MANEA: variants seen among roughly 807,000 people sequenced by gnomAD.
The protein encoded by MANEA is mannosidase endo-alpha, also known as glycoprotein endo-alpha-1,2-mannosidase.
A neutral mutation model predicts 36.8 loss-of-function variants in MANEA; 25 were observed. That is an observed-to-expected ratio of 0.68 (90% CI 0.50 to 0.95). The LOEUF (loss-of-function observed/expected upper bound fraction) is 0.95. Ranked by LOEUF, MANEA falls within the 40% of genes least tolerant of loss-of-function variation. MANEA has a pLI of 0.00. For synonymous variants in MANEA, 198 were observed against 188.5 expected (o/e 1.05, Z -0.41); for missense variants, 565 against 558.8 (o/e 1.01, Z -0.11).
intron 1 of MANEA, among the ~76,000 whole-genome samples, chr6:95,583,605 G>T (rs1011054427): frequency 1.3e-5 from 2 of 152,104 alleles, no homozygotes; most frequent in Non-Finnish European, 2.9e-5. Context: ...ATATGCTTGT[G>T]TGCGGTGGGA....
chr6:95,579,235 T>G (rs1769133985), intron 1 of MANEA, among the ~76,000 whole-genome samples: 1 of 152,010 alleles, frequency 6.6e-6, no homozygotes, highest in South Asian at 2.1e-4. Flanking sequence ...TAGCTGGGCG[T>G]CGTAGCGTGC....
intron 2 of MANEA, among the ~76,000 whole-genome samples, chr6:95,594,173 G>A (rs1285743240): frequency 1.3e-5 from 2 of 152,140 alleles, no homozygotes; most frequent in African/African-American, 4.8e-5. Flanking sequence ...GAATGTTGTA[G>A]TTAAAGGAAC....
chr6:95,604,711 A>G (rs866372035), intron 3 of MANEA, 116 bp from the exon 4 acceptor site: 3 of 473,778 alleles, frequency 6.3e-6, no homozygotes, highest in Middle Eastern at 1.1e-3. Context: ...TGTTCAATAA[A>G]TATTCATCTT....
chr6:95,588,216 G>A (rs969674751), intron 2 of MANEA: 1 of 151,972 alleles, frequency 6.6e-6, no homozygotes, highest in African/African-American at 2.4e-5. Flanking sequence ...AGTAGAGCTA[G>A]AACAAGAAAT....
intron 2 of MANEA, among the ~76,000 whole-genome samples, chr6:95,595,196 G>A (rs1769461591): frequency 6.6e-6 from 1 of 151,710 alleles, no homozygotes. Flanking sequence ...TTTTTCGTAG[G>A]TCCCATGTTG....
intron 1 of MANEA, among the ~76,000 whole-genome samples, chr6:95,585,628 G>T (rs529817889): frequency 1.3e-5 from 2 of 152,002 alleles, no homozygotes; most frequent in Admixed American, 6.5e-5. Context: ...TGAATTTTTT[G>T]AAAAAATTGG....
chr6:95,587,027 A>G (rs748544552), intron 2 of MANEA, 44 bp downstream of exon 2: 3 of 1,091,702 alleles, frequency 2.7e-6, no homozygotes, highest in South Asian at 1.4e-5. Context: ...GTCTGTATAT[A>G]TGCATATAAA....
intron 1 of MANEA, among the ~76,000 whole-genome samples, chr6:95,580,020 C>T (rs550839415): frequency 6.6e-6 from 1 of 152,264 alleles, no homozygotes; most frequent in Admixed American, 6.5e-5. Context: ...TCCTCCACCC[C>T]TTTCCTGCAA....
chr6:95,606,292 G>A lies in MANEA; in HGVS notation c.1276G>A (p.Asp426Asn), dbSNP rs747457078. Reference sequence around the variant, plus strand: ...AAGAACCAGTAATACAGTGTACCTAGATTACCGTCCTCATAAACCAGGTCT... The same window carrying A: ...AAGAACCAGTAATACAGTGTACCTAAATTACCGTCCTCATAAACCAGGTCT... ...PKRTSNTVYL[D>N]YRPHKPGLYL... The change falls in exon 5 of 5, where the codon GAT becomes AAT. Residue 426 changes from aspartate to asparagine, a missense_variant. Physicochemically the swap from Asp to Asn is conservative, Grantham distance 23. Transcript: ENST00000358812. 5 of 1,612,934 alleles carry A rather than the reference G, an allele frequency of 3.1e-6. No individual in the cohort carries two copies. Among genetic ancestry groups the A allele is most frequent in the Admixed American group, 1.7e-5 (1 of 59,994 alleles).
intron 4 of MANEA, among the ~76,000 whole-genome samples, chr6:95,605,519 T>G (rs1235445801): frequency 2.0e-5 from 3 of 152,168 alleles, no homozygotes; most frequent in Non-Finnish European, 2.9e-5. Flanking sequence ...TTTGTAAACC[T>G]CAATATGAGA....
At chr6:95,588,190 T>C (rs1316732100) in intron 2 of MANEA, 1 of 152,064 alleles carries the variant, frequency 6.6e-6, no homozygotes, top group East Asian at 1.9e-4. Context: ...TCATTTATCT[T>C]TTTAGTGCCC....
chr6:95,584,516 G>A (rs1329714104), intron 1 of MANEA, among the ~76,000 whole-genome samples: 1 of 152,158 alleles, frequency 6.6e-6, no homozygotes, highest in Middle Eastern at 3.2e-3. Context: ...CTGGTTCTCT[G>A]CTCTCGAACC....
intron 2 of MANEA, chr6:95,590,039 T>A (rs1769360288): frequency 6.6e-6 from 1 of 152,138 alleles, no homozygotes; most frequent in African/African-American, 2.4e-5. Flanking sequence ...TGTGGTAGCC[T>A]CTACAAGCTT....
In MANEA at chr6:95,605,879, G is replaced by T. The variant is rs150088429; in HGVS notation, c.863G>T (p.Arg288Leu). 208 of 1,613,912 alleles carry T rather than the reference G, an allele frequency of 1.3e-4. No homozygotes were observed. The highest frequency in any genetic ancestry group is 3.5e-4 in the Admixed American group (21 of 59,990). ...AATCTGTTAACCACCTCAGGGTCTCGGAGTATTCGCAATTCTCCTTATGAT... is the reference window on the plus strand; with the variant it reads ...AATCTGTTAACCACCTCAGGGTCTCTGAGTATTCGCAATTCTCCTTATGAT... ...WANLLTTSGS[R>L]SIRNSPYDGL... is the part of the protein sequence containing the mutation. The change falls in exon 5 of 5, where the codon CGG becomes CTG. Residue 288 changes from arginine to leucine, a missense_variant. Arg to Leu is a moderately radical substitution (Grantham distance 102, BLOSUM62 -2). Coordinates refer to ENST00000358812, the MANE Select transcript of MANEA (RefSeq NM_024641.4).
At chr6:95,580,938 C>T (rs765922678) in intron 1 of MANEA, among the ~76,000 whole-genome samples, 37 of 152,028 alleles carry the variant, frequency 2.4e-4, no homozygotes, top group Non-Finnish European at 4.4e-4. Context: ...AATTGCTTGT[C>T]GGACACCCAT....
rs372154214 is a variant in MANEA at position 95,583,834 on chromosome 6, T to G, written c.-38-2568T>G. ...TGTTATTCTTTATATTATTCACTAT[T>G]CACAATTAAACAAGATTAACCTTAA... is the stretch of plus-strand genomic sequence containing the variant. On this transcript the variant is annotated intron_variant, in intron 1 of 4. Coordinates refer to ENST00000358812, the MANE Select transcript of MANEA (RefSeq NM_024641.4). Among the ~76,000 whole-genome samples, 6 of 152,332 alleles carry G rather than the reference T, an allele frequency of 3.9e-5. No individual in the cohort carries two copies. The South Asian group carries it at 1.2e-3, about 32-fold the overall frequency.
At chr6:95,583,985 G>C (rs911327657) in intron 1 of MANEA, among the ~76,000 whole-genome samples, 40 of 152,190 alleles carry the variant, frequency 2.6e-4, no homozygotes, top group African/African-American at 9.7e-4. Context: ...TGGAGCTGCA[G>C]CAGAGGAACA....
intron 3 of MANEA, among the ~76,000 whole-genome samples, chr6:95,603,573 A>T (rs1030539209): frequency 6.6e-6 from 1 of 152,074 alleles, no homozygotes; most frequent in Non-Finnish European, 1.5e-5. Context: ...TTAACTTTAA[A>T]ATTAATTATG....
At chr6:95,604,060 A>G (rs900886493) in intron 3 of MANEA, among the ~76,000 whole-genome samples, 1 of 53,378 alleles carries the variant, frequency 1.9e-5, no homozygotes, top group Admixed American at 1.5e-4. Flanking sequence ...ATATGTATGT[A>G]GGTGTGTGTG....
Sources: gnomAD v4.1 joint callset for allele counts (sites outside exome capture counted in the v4.1 genomes callset) on GRCh38, gnomAD v4.1.1 for gene constraint, MANE v1.5 for transcripts, NCBI Gene and HGNC (gene_info 2026-07-23, HGNC 2026-07-21) for gene names.